MTHFD1: variants seen among roughly 807,000 people sequenced by gnomAD.
MTHFD1 encodes methylenetetrahydrofolate dehydrogenase, cyclohydrolase and formyltetrahydrofolate synthetase 1.
In MTHFD1, 44 loss-of-function variants were observed where a neutral mutation model predicts 110.3. The ratio of observed to expected loss-of-function variants is 0.40; its 90% CI spans 0.31 to 0.51. The LOEUF is 0.51. Ranked by LOEUF, MTHFD1 falls within the 20% of genes least tolerant of loss-of-function variation. The pLI is 0.60. For missense variants in MTHFD1, 909 were observed against 1,173.1 expected, an observed-to-expected ratio of 0.77 and a Z score of 3.29; for synonymous variants, 402 against 428.8, an observed-to-expected ratio of 0.94 and a Z score of 0.77.
chr14:64,436,220 G>C (rs972439963), intron 16 of MTHFD1, among the ~76,000 whole-genome samples: 1 of 151,816 alleles, frequency 6.6e-6, no homozygotes, highest in African/African-American at 2.4e-5. Context: ...TCAGCCTCCC[G>C]AGTAACTGGG....
rs772039704 is a variant in MTHFD1 at position 64,419,764 on chromosome 14, G to C, written c.616-50G>C. ...CCTTTTCATTTCTGGGTTTTTTTTT[G>C]GTGTGTATTTCATTATTTCATTTCT... On this transcript the variant is annotated intron_variant, in intron 7 of 27. Transcript: ENST00000652337. The C allele has an allele frequency of 3.3e-6, 4 of 1,200,198 alleles. No homozygotes were observed. In the Admixed American group the frequency reaches 6.9e-5, roughly 21 times the overall value. The allele number at this position is 1,200,198 out of a possible 1,614,324, so 74.3% of individuals were successfully genotyped here.
chr14:64,431,924 G>C, intron 15 of MTHFD1, 63 bp downstream of exon 15: 1 of 1,428,064 alleles, frequency 7.0e-7, no homozygotes. Context: ...TCATTGATTA[G>C]GACATAAAAG....
At chr14:64,410,445 C>T (rs1198061761) in intron 2 of MTHFD1, among the ~76,000 whole-genome samples, 2 of 151,734 alleles carry the variant, frequency 1.3e-5, no homozygotes, top group South Asian at 2.1e-4. Flanking sequence ...AGGCTGGTCT[C>T]GAACTCCTGG....
At chr14:64,396,689 G>A (rs561879054) in intron 1 of MTHFD1, among the ~76,000 whole-genome samples, 3 of 151,148 alleles carry the variant, frequency 2.0e-5, no homozygotes, top group Admixed American at 6.6e-5. Flanking sequence ...GTGAGCCACC[G>A]TGCCCAGCCG....
intron 15 of MTHFD1, among the ~76,000 whole-genome samples, chr14:64,433,429 T>C (rs886257198): frequency 1.3e-5 from 2 of 152,158 alleles, no homozygotes; most frequent in Non-Finnish European, 2.9e-5. Flanking sequence ...TGTTTGTTTA[T>C]GTTTTTGAGA....
At chr14:64,442,695 CTG>C (rs2078258350) in intron 21 of MTHFD1, among the ~76,000 whole-genome samples, 1 of 152,160 alleles carries the variant, frequency 6.6e-6, no homozygotes. Flanking sequence ...CCACAAAAAA[CTG>C]TTTTACGTTC....
chr14:64,436,082 GT>G (rs1012324596), intron 16 of MTHFD1, among the ~76,000 whole-genome samples: 9 of 151,832 alleles, frequency 5.9e-5, no homozygotes, highest in African/African-American at 2.2e-4. Context: ...TTTTTCTGTA[GT>G]TCTCTAGCTT....
In MTHFD1 at chr14:64,454,667, C is replaced by T. The variant is rs576617177; in HGVS notation, c.2566-56C>T. On this transcript the variant is annotated intron_variant, in intron 25 of 27. Coordinates refer to ENST00000652337, the MANE Select transcript of MTHFD1 (RefSeq NM_005956.4). ...CATGTAATCACAGGGCCCAGATGGTCATTGCTGGGTTGTCATCTTTTCATT... is the reference window on the plus strand; with the variant it reads ...CATGTAATCACAGGGCCCAGATGGTTATTGCTGGGTTGTCATCTTTTCATT... 5.4e-5 allele frequency: 78 copies of T among 1,449,108 alleles called. No individual in the cohort carries two copies. The South Asian group carries it at 7.8e-4, about 14-fold the overall frequency. The allele number at this position is 1,449,108 out of a possible 1,614,324, so 89.8% of individuals were successfully genotyped here.
At chr14:64,440,825 G>C (rs1253384273) in intron 18 of MTHFD1, 5 of 224,648 alleles carry the variant, frequency 2.2e-5, no homozygotes, top group African/African-American at 9.2e-5. Flanking sequence ...CAGCAGCTGA[G>C]CTTGATTAAG....
Position 64,426,120 on chromosome 14 carries a change from A to G in MTHFD1, c.1055A>G (p.Lys352Arg). ...SEEVELYGETKAKVLLSALER... is the reference protein window; with the variant it reads ...SEEVELYGETRAKVLLSALER... ...GAGGTAGAATTATATGGTGAAACAA[A>G]GGCCAAAGTTCTGCTGTCAGCACTA... The change falls in exon 11 of 28, where the codon AAG becomes AGG. Residue 352 changes from lysine (K) to arginine (R), a missense_variant. Physicochemically the swap from Lys to Arg is conservative, Grantham distance 26. Transcript: ENST00000652337. 1 of 1,614,180 alleles carries G rather than the reference A, an allele frequency of 6.2e-7. No homozygotes were observed. Among genetic ancestry groups the G allele is most frequent in the Non-Finnish European group, 8.5e-7 (1 of 1,180,038 alleles).
At chr14:64,389,935 T>C (rs1346936220) in intron 1 of MTHFD1, among the ~76,000 whole-genome samples, 1 of 152,218 alleles carries the variant, frequency 6.6e-6, no homozygotes, top group South Asian at 2.1e-4. Context: ...AGTACAATAA[T>C]AATGCATCTG....
At chr14:64,449,658 A>G (rs1431714154) in intron 24 of MTHFD1, 36 bp downstream of exon 24, 2 of 1,609,540 alleles carry the variant, frequency 1.2e-6, no homozygotes, top group Admixed American at 1.7e-5. Context: ...AAGAAAAAAG[A>G]CGAAAAGGGC....
chr14:64,411,061 A>C, intron 2 of MTHFD1, 29 bp from the exon 3 acceptor site: 1 of 1,523,444 alleles, frequency 6.6e-7, no homozygotes, highest in South Asian at 1.1e-5. Flanking sequence ...TTCCCTAATC[A>C]TCTGATTTGC....
chr14:64,452,957 G>C (rs1468823347), intron 24 of MTHFD1, among the ~76,000 whole-genome samples: 1 of 151,984 alleles, frequency 6.6e-6, no homozygotes, highest in Non-Finnish European at 1.5e-5. Context: ...CTGGGCTCAA[G>C]TGATCCTCCT....
intron 2 of MTHFD1, among the ~76,000 whole-genome samples, chr14:64,402,967 T>C (rs1019817866): frequency 1.3e-5 from 2 of 152,046 alleles, no homozygotes; most frequent in Non-Finnish European, 2.9e-5. Flanking sequence ...TATTTATATA[T>C]ATATATTTTT....
chr14:64,396,460 C>T (rs1367873110), intron 1 of MTHFD1, among the ~76,000 whole-genome samples: 3 of 145,336 alleles, frequency 2.1e-5, no homozygotes, highest in Non-Finnish European at 4.5e-5. Context: ...GGCGCGATCT[C>T]GGCTCACCGC....
intron 6 of MTHFD1, 151 bp downstream of exon 6, chr14:64,415,890 C>G: frequency 1.2e-6 from 1 of 802,222 alleles, no homozygotes; most frequent in Admixed American, 2.0e-5. Context: ...CCTAAATTTT[C>G]TCTCAATTTT....
At position 64,400,860 on chromosome 14, in the gene MTHFD1, C is replaced by A. The variant is rs111509453; in HGVS notation, c.109C>A (p.Arg37Ser). 13 of 1,610,574 alleles carry A rather than the reference C, an allele frequency of 8.1e-6. No individual in the cohort carries two copies. In the East Asian group the frequency reaches 8.9e-5, roughly 11 times the overall value. The change falls in exon 2 of 28, where the codon CGC (arginine) becomes AGC (serine). Residue 37 changes from arginine (R) to serine (S), a missense_variant. Physicochemically the swap from Arg to Ser is moderately radical, Grantham distance 110 (BLOSUM62 -1). This residue lies in a region of MTHFD1 where 424 missense variants were observed against 510.4 expected (regional missense o/e 0.83). Transcript: ENST00000652337. ...GGAGCAAGTACCTGGTTTCACACCA[C>A]GCCTGGCAATATTACAGGTATTATG... Reference protein sequence around the residue: ...LKEQVPGFTPRLAILQVGNRD... With the variant: ...LKEQVPGFTPSLAILQVGNRD...
intron 8 of MTHFD1, among the ~76,000 whole-genome samples, chr14:64,422,318 AC>A (rs1463655971): frequency 2.6e-5 from 4 of 152,190 alleles, no homozygotes; most frequent in Admixed American, 1.3e-4. Flanking sequence ...TTAGAAGCAA[AC>A]TTTTCTACCA....
Sources: gnomAD v4.1 joint callset for allele counts (sites outside exome capture counted in the v4.1 genomes callset) on GRCh38, gnomAD v4.1.1 for gene constraint, gnomAD v4.1.1 regional missense constraint, MANE v1.5 for transcripts, NCBI Gene and HGNC (gene_info 2026-07-23, HGNC 2026-07-21) for gene names.